RELN: variants seen among roughly 807,000 people sequenced by gnomAD.
RELN encodes the protein reelin.
Under a neutral mutation model 427.6 loss-of-function variants are expected in RELN, and 108 were observed. The observed-to-expected ratio is 0.25, with a 90% CI of 0.22 to 0.30. RELN has a LOEUF of 0.30. Among genes scored for constraint, RELN ranks in the 10% least tolerant of loss-of-function variants. RELN has a pLI of 1.00. For synonymous variants in RELN, 1,524 were observed against 1,513.4 expected (o/e 1.01, Z -0.16); for missense variants, 3,715 against 4,302.8 (o/e 0.86, Z 3.82).
At chr7:103,538,711 C>G (rs1584274999) in intron 45 of RELN, among the ~76,000 whole-genome samples, 1 of 152,124 alleles carries the variant, frequency 6.6e-6, no homozygotes, top group Non-Finnish European at 1.5e-5. Context: ...TTATTCCTGG[C>G]ATTCTCTATG....
At chr7:103,892,175 T>C (rs1794864553) in intron 2 of RELN, among the ~76,000 whole-genome samples, 1 of 152,220 alleles carries the variant, frequency 6.6e-6, no homozygotes, top group African/African-American at 2.4e-5. Flanking sequence ...GCTTTCCTTC[T>C]TTAATCAGTT....
At chr7:103,475,712 C>T (rs774767007) in intron 64 of RELN, among the ~76,000 whole-genome samples, 2 of 152,104 alleles carry the variant, frequency 1.3e-5, no homozygotes, top group Non-Finnish European at 2.9e-5. Context: ...TTTAAAGCAA[C>T]GTCTCCATAT....
intron 8 of RELN, among the ~76,000 whole-genome samples, chr7:103,713,953 C>T (rs1789871030): frequency 1.3e-5 from 2 of 152,142 alleles, no homozygotes. Context: ...GCTCTCTTGA[C>T]CCACGGCATC....
At position 103,563,607 on chromosome 7, in the gene RELN, C is replaced by A. The variant is rs1216639435; in HGVS notation, c.5211-1654G>T. 1.3e-5 allele frequency among the ~76,000 whole-genome samples: 2 copies of A among 151,918 alleles called. No homozygotes were observed. The highest frequency in any genetic ancestry group is 4.8e-5 in the African/African-American group (2 of 41,328). On this transcript the variant is annotated intron_variant, in intron 34 of 64. Transcript: ENST00000428762. The surrounding 1 kb of genome is among the most constrained non-coding windows in gnomAD (Gnocchi z 4.1). Reference sequence around the variant, plus strand: ...TATTCTTTTTTTAAATTTAGTGGAGCCTAAGTGCATAGTGTTTATGAAATC... The same window carrying A: ...TATTCTTTTTTTAAATTTAGTGGAGACTAAGTGCATAGTGTTTATGAAATC...
At chr7:103,489,983 G>A (rs1278680988) in intron 59 of RELN, 84 bp from the exon 60 acceptor site, 2 of 1,516,932 alleles carry the variant, frequency 1.3e-6, no homozygotes, top group South Asian at 1.2e-5. Context: ...TGGGAGAGGG[G>A]ACTATTTGTG....
intron 28 of RELN, 53 bp downstream of exon 28, chr7:103,589,543 T>G: frequency 8.6e-7 from 1 of 1,160,650 alleles, no homozygotes; most frequent in Non-Finnish European, 1.3e-6. Context: ...GTTATAGCAT[T>G]TGGGACTGTG....
At chr7:103,855,525 G>C (rs1294170204) in intron 2 of RELN, among the ~76,000 whole-genome samples, 1 of 152,162 alleles carries the variant, frequency 6.6e-6, no homozygotes, top group East Asian at 1.9e-4. Flanking sequence ...GAAGGGCAAG[G>C]ATTCTATTAT....
At chr7:103,884,654 T>C (rs1297515382) in intron 2 of RELN, among the ~76,000 whole-genome samples, 1 of 152,156 alleles carries the variant, frequency 6.6e-6, no homozygotes, top group Non-Finnish European at 1.5e-5. Context: ...AAAGAAGACA[T>C]TTATGCACCC....
intron 1 of RELN, among the ~76,000 whole-genome samples, chr7:103,952,654 T>C (rs1362025097): frequency 6.6e-6 from 1 of 152,146 alleles, no homozygotes; most frequent in Non-Finnish European, 1.5e-5. Context: ...TATAAATCTG[T>C]ATGAAGTAAA....
intron 31 of RELN, among the ~76,000 whole-genome samples, chr7:103,570,911 T>C (rs1830868195): frequency 6.6e-6 from 1 of 152,204 alleles, no homozygotes; most frequent in Non-Finnish European, 1.5e-5. Context: ...CTTTTGGTGA[T>C]ATTGTATCAA....
intron 28 of RELN, among the ~76,000 whole-genome samples, chr7:103,580,422 T>G (rs1242986164): frequency 1.3e-5 from 2 of 152,212 alleles, no homozygotes; most frequent in Middle Eastern, 3.2e-3. Flanking sequence ...TTCCAAAAGC[T>G]GAGGTCTAAG....
chr7:103,655,060 C>A (rs915191630), intron 12 of RELN, among the ~76,000 whole-genome samples: 6 of 152,066 alleles, frequency 3.9e-5, no homozygotes, highest in African/African-American at 1.2e-4. Context: ...AATCCTCCTA[C>A]CTTTGTCTTC....
intron 1 of RELN, among the ~76,000 whole-genome samples, chr7:103,930,405 A>G (rs1795835648): frequency 7.2e-6 from 1 of 138,452 alleles, no homozygotes; most frequent in Non-Finnish European, 1.6e-5. Context: ...ACTTCAATAT[A>G]TGAATGGCAG....
intron 1 of RELN, among the ~76,000 whole-genome samples, chr7:103,950,938 T>C (rs1796318143): frequency 1.3e-5 from 2 of 152,232 alleles, no homozygotes; most frequent in South Asian, 4.1e-4. Context: ...ATTGTTGTTG[T>C]TGTTGTTTGA....
At chr7:103,699,582 A>G (rs1320070390) in intron 9 of RELN, among the ~76,000 whole-genome samples, 1 of 152,130 alleles carries the variant, frequency 6.6e-6, no homozygotes, top group Admixed American at 6.6e-5. Context: ...ATTGTTCATC[A>G]TATCAAAAAC....
chr7:103,635,033 G>A lies in RELN; in HGVS notation c.2465+392C>T, dbSNP rs539178687. Among the ~76,000 whole-genome samples, 11 of 151,082 alleles carry A rather than the reference G, an allele frequency of 7.3e-5. No individual in the cohort carries two copies. In the South Asian group the frequency reaches 1.3e-3, roughly 17 times the overall value. ...ACCACCACACCCAGCTTTTTTTTTCGTATTTTTAGTAGAGACAGGGTTTCA... is the reference window on the plus strand; with the variant it reads ...ACCACCACACCCAGCTTTTTTTTTCATATTTTTAGTAGAGACAGGGTTTCA... On this transcript the variant is annotated intron_variant, in intron 19 of 64. Coordinates refer to ENST00000428762, the MANE Select transcript of RELN (RefSeq NM_005045.4).
chr7:103,542,108 A>G (rs1324169214), intron 43 of RELN, among the ~76,000 whole-genome samples: 4 of 152,174 alleles, frequency 2.6e-5, no homozygotes, highest in South Asian at 4.1e-4. Flanking sequence ...TGATCAAGGG[A>G]TACACATCTT....
At chr7:103,742,432 T>C (rs377241252) in intron 6 of RELN, among the ~76,000 whole-genome samples, 5 of 152,062 alleles carry the variant, frequency 3.3e-5, no homozygotes, top group Non-Finnish European at 7.4e-5. Context: ...CTTTGACAAG[T>C]TGACAGAAGA....
At chr7:103,987,516 T>C (rs1451798735) in intron 1 of RELN, among the ~76,000 whole-genome samples, 1 of 152,202 alleles carries the variant, frequency 6.6e-6, no homozygotes, top group Non-Finnish European at 1.5e-5. Flanking sequence ...CTTTGTATCA[T>C]CACATGGTCT....
Sources: allele counts gnomAD v4.1 joint callset (sites outside exome capture counted in the v4.1 genomes callset), GRCh38; gene constraint gnomAD v4.1.1; non-coding constraint Gnocchi (gnomAD v3.1); transcripts MANE v1.5; gene names NCBI Gene and HGNC (gene_info 2026-07-23, HGNC 2026-07-21).